QTMAN: variants seen among roughly 807,000 people sequenced by gnomAD.
QTMAN encodes queuosine-tRNA mannosyltransferase, also known as tRNA-queuosine alpha-mannosyltransferase.
the QTMAN span, among the ~76,000 whole-genome samples, chr2:144,194,682 G>C: frequency 0.012 from 1,780 of 152,256 alleles, 22 homozygotes; most frequent in Non-Finnish European, 0.016. Flanking sequence ...AAAACGGAAG[G>C]CATTCTTGGT....
the QTMAN span, chr2:143,944,768 G>A: frequency 6.6e-6 from 1 of 152,200 alleles, no homozygotes; most frequent in Non-Finnish European, 1.5e-5. Flanking sequence ...GTCCTGGAAG[G>A]AATGTTGGCC....
At chr2:144,011,801 C>A in the QTMAN span, 2 of 941,404 alleles carry the variant, frequency 2.1e-6, no homozygotes, top group Non-Finnish European at 2.5e-6. Context: ...CCAGTTCCAA[C>A]TCTGGTGGAG....
chr2:143,952,218 T>C, the QTMAN span: 1 of 614,994 alleles, frequency 1.6e-6, no homozygotes, highest in African/African-American at 1.9e-5. Context: ...TAAGGTTACC[T>C]CAGCTCACAA....
the QTMAN span, among the ~76,000 whole-genome samples, chr2:144,141,142 C>T: frequency 6.6e-6 from 1 of 151,912 alleles, no homozygotes. Flanking sequence ...AAAACAGCAG[C>T]GTCTCCTGCT....
the QTMAN span, among the ~76,000 whole-genome samples, chr2:144,165,370 C>CA: frequency 1.3e-5 from 2 of 150,536 alleles, no homozygotes; most frequent in Admixed American, 1.3e-4. Context: ...GACTCCGTCT[C>CA]AAAAAAATAA....
chr2:143,993,598 C>A, the QTMAN span, among the ~76,000 whole-genome samples: 3 of 152,110 alleles, frequency 2.0e-5, no homozygotes, highest in East Asian at 3.9e-4. Flanking sequence ...GATGCAGTCA[C>A]AAACTGCAGA....
the QTMAN span, among the ~76,000 whole-genome samples, chr2:143,977,878 A>T: frequency 6.6e-6 from 1 of 152,004 alleles, no homozygotes; most frequent in East Asian, 1.9e-4. Context: ...GTCCATGAGC[A>T]CTCTAAGATC....
the QTMAN span, among the ~76,000 whole-genome samples, chr2:144,077,731 A>G: frequency 6.6e-6 from 1 of 152,198 alleles, no homozygotes; most frequent in Non-Finnish European, 1.5e-5. Context: ...TTGTTATCTT[A>G]CTAGCTCTGT....
the QTMAN span, among the ~76,000 whole-genome samples, chr2:144,131,368 C>T: frequency 8.6e-5 from 13 of 151,880 alleles, no homozygotes; most frequent in Admixed American, 5.9e-4. Context: ...AGTGTATGAC[C>T]AGTTTATTTG....
the QTMAN span, among the ~76,000 whole-genome samples, chr2:143,991,372 A>G: frequency 6.6e-6 from 1 of 152,180 alleles, no homozygotes; most frequent in African/African-American, 2.4e-5. Flanking sequence ...CCCTTTTTAA[A>G]TAACTTCTCG....
At chr2:144,182,854 TATATATA>T in the QTMAN span, among the ~76,000 whole-genome samples, 8 of 57,540 alleles carry the variant, frequency 1.4e-4, no homozygotes, top group African/African-American at 6.5e-4. Context: ...ATATATATTT[TATATATA>T]ATATATATAT....
chr2:144,065,952 T>A, the QTMAN span, among the ~76,000 whole-genome samples: 3 of 152,142 alleles, frequency 2.0e-5, no homozygotes, highest in African/African-American at 7.2e-5. Context: ...GCGGTGGCCA[T>A]GAGAGCAGGG....
the QTMAN span, among the ~76,000 whole-genome samples, chr2:144,074,172 C>T: frequency 6.6e-6 from 1 of 152,136 alleles, no homozygotes; most frequent in Non-Finnish European, 1.5e-5. Flanking sequence ...TATAAAATTG[C>T]ATGAGTTAAA....
the QTMAN span, among the ~76,000 whole-genome samples, chr2:144,168,518 C>T: frequency 0.045 from 6,909 of 151,886 alleles, 521 homozygotes; most frequent in African/African-American, 0.16. Flanking sequence ...TAAAATGGGA[C>T]GAGGATACAG....
At chr2:144,015,097 C>G in the QTMAN span, among the ~76,000 whole-genome samples, 1 of 152,120 alleles carries the variant, frequency 6.6e-6, no homozygotes, top group Non-Finnish European at 1.5e-5. Flanking sequence ...ATTCCTCCCA[C>G]GCAGAAAATT....
At chr2:144,283,289 A>G in the QTMAN span, among the ~76,000 whole-genome samples, 1 of 152,214 alleles carries the variant, frequency 6.6e-6, no homozygotes, top group African/African-American at 2.4e-5. Context: ...CTCCAGGCAG[A>G]TAATGTCAGA....
the QTMAN span, among the ~76,000 whole-genome samples, chr2:144,206,861 A>G: frequency 6.6e-6 from 1 of 152,228 alleles, no homozygotes; most frequent in Admixed American, 6.5e-5. Flanking sequence ...CAAACAACAG[A>G]TATAGAAATG....
the QTMAN span, among the ~76,000 whole-genome samples, chr2:144,009,511 A>G: frequency 6.6e-6 from 1 of 152,108 alleles, no homozygotes; most frequent in East Asian, 1.9e-4. Context: ...GGGGGCTTCT[A>G]TGTTTGTTTC....
At chr2:144,156,476 T>A in the QTMAN span, among the ~76,000 whole-genome samples, 1 of 152,050 alleles carries the variant, frequency 6.6e-6, no homozygotes, top group Non-Finnish European at 1.5e-5. Context: ...TAGGACTGAG[T>A]CCTGGTCCTT....
Sources: gnomAD v4.1 joint callset for allele counts (sites outside exome capture counted in the v4.1 genomes callset) on GRCh38, gnomAD v4.1.1 for gene constraint, MANE v1.5 for transcripts, NCBI Gene and HGNC (gene_info 2026-07-23, HGNC 2026-07-21) for gene names.